Variants in DAB1 observed in about 807,000 individuals in gnomAD.
The protein encoded by DAB1 is disabled homolog 1.
In DAB1, 15 loss-of-function variants were observed where a neutral mutation model predicts 64.6. The ratio of observed to expected loss-of-function variants is 0.23; its 90% CI spans 0.16 to 0.36. DAB1 has a LOEUF of 0.36. Among genes scored for constraint, DAB1 ranks in the 10% least tolerant of loss-of-function variants. The probability of loss-of-function intolerance (pLI) is 1.00; values close to 1 mark genes in which losing one functional copy is unlikely to be tolerated. For synonymous variants in DAB1, 235 were observed against 251.9 expected, an observed-to-expected ratio of 0.93 and a Z score of 0.64; for missense variants, 596 against 706.7, an observed-to-expected ratio of 0.84 and a Z score of 1.78.
intron 7 of DAB1, among the ~76,000 whole-genome samples, chr1:57,435,799 C>A (rs1271566140): frequency 6.6e-6 from 1 of 151,586 alleles, no homozygotes; most frequent in Non-Finnish European, 1.5e-5. Context: ...AAAGAGTACA[C>A]TTTAAAATAA....
chr1:57,869,138 C>A (rs1368274764), intron 1 of DAB1, among the ~76,000 whole-genome samples: 4 of 152,068 alleles, frequency 2.6e-5, no homozygotes, highest in Non-Finnish European at 1.5e-5. Flanking sequence ...CAGTTCCATC[C>A]TTTACTGCCA....
At chr1:57,515,905 T>A (rs1230013502) in intron 7 of DAB1, among the ~76,000 whole-genome samples, 1 of 152,222 alleles carries the variant, frequency 6.6e-6, no homozygotes, top group Admixed American at 6.5e-5. Context: ...ATTTTCTCTC[T>A]TTTCCTCCAC....
chr1:58,544,873 C>A (rs768453124), intron 1 of DAB1, among the ~76,000 whole-genome samples: 4 of 152,184 alleles, frequency 2.6e-5, no homozygotes, highest in Non-Finnish European at 5.9e-5. Context: ...GGATTATAGG[C>A]CTGAGCCACC....
At chr1:58,079,419 G>A (rs550479361) in intron 5 of DAB1, among the ~76,000 whole-genome samples, 137 of 152,084 alleles carry the variant, frequency 9.0e-4, no homozygotes, top group African/African-American at 3.2e-3. Flanking sequence ...AGGTTCATGG[G>A]ACAGGGAAGT....
chr1:58,037,843 C>G (rs918261318), intron 5 of DAB1, among the ~76,000 whole-genome samples: 2 of 152,076 alleles, frequency 1.3e-5, no homozygotes, highest in Non-Finnish European at 2.9e-5. Context: ...CCTAATAGAT[C>G]AGGTTCATAT....
chr1:58,509,845 A>T (rs761589564), intron 2 of DAB1, among the ~76,000 whole-genome samples: 5 of 152,108 alleles, frequency 3.3e-5, no homozygotes, highest in Non-Finnish European at 7.4e-5. Context: ...ACAAAGGATC[A>T]TAAGAGACTA....
intron 1 of DAB1, among the ~76,000 whole-genome samples, chr1:57,366,567 G>C (rs1192721124): frequency 6.6e-6 from 1 of 152,154 alleles, no homozygotes; most frequent in Non-Finnish European, 1.5e-5. Context: ...CATGGCAGTG[G>C]CTTACTAAAT....
At chr1:57,968,558 T>C (rs1039043743) in intron 5 of DAB1, among the ~76,000 whole-genome samples, 2 of 152,146 alleles carry the variant, frequency 1.3e-5, no homozygotes, top group African/African-American at 4.8e-5. Flanking sequence ...AAGCAGAAAG[T>C]ATAAATTTAA....
chr1:57,247,178 C>G (rs1668949168), intron 2 of DAB1, among the ~76,000 whole-genome samples: 1 of 152,148 alleles, frequency 6.6e-6, no homozygotes, highest in Admixed American at 6.6e-5. Flanking sequence ...GGCTCTGTGT[C>G]TCCACTCAAA....
chr1:57,555,510 G>A (rs1456151035), intron 7 of DAB1, among the ~76,000 whole-genome samples: 1 of 151,518 alleles, frequency 6.6e-6, no homozygotes, highest in Non-Finnish European at 1.5e-5. Context: ...AGTCTATGGA[G>A]TTTACACAGG....
In DAB1 at chr1:57,457,265, T is replaced by G. The variant is rs115258633; in HGVS notation, n.626-166099A>C. On this transcript the variant is annotated intron_variant and non_coding_transcript_variant, in intron 7 of 20. Coordinates refer to the DAB1 transcript ENST00000485760. ...GACCGGAGAATTGGACTAAGAACTG[T>G]GTGCACCAACCTGTCATCTAGATAC... is the stretch of plus-strand genomic sequence containing the variant. 1.9e-3 allele frequency among the ~76,000 whole-genome samples: 288 copies of G among 152,234 alleles called. 3 individuals are homozygous for G. Among genetic ancestry groups the G allele is most frequent in the Non-Finnish European group, 2.6e-3 (177 of 67,992 alleles).
intron 7 of DAB1, among the ~76,000 whole-genome samples, chr1:57,564,902 C>A (rs553630512): frequency 8.5e-5 from 13 of 152,218 alleles, no homozygotes; most frequent in African/African-American, 2.4e-4. Flanking sequence ...GGCCAACATT[C>A]ACATTCAGGA....
intron 7 of DAB1, among the ~76,000 whole-genome samples, chr1:57,508,711 T>C (rs188840311): frequency 4.5e-4 from 69 of 152,306 alleles, no homozygotes; most frequent in African/African-American, 1.4e-3. Flanking sequence ...CCATAGGCTG[T>C]AGTTTGCTGA....
At chr1:57,800,050 T>C (rs1651052499) in intron 6 of DAB1, among the ~76,000 whole-genome samples, 1 of 152,192 alleles carries the variant, frequency 6.6e-6, no homozygotes, top group Admixed American at 6.5e-5. Flanking sequence ...CAATTGTGCA[T>C]TTACGATCTG....
intron 2 of DAB1, among the ~76,000 whole-genome samples, chr1:57,220,370 T>TG (rs1666767513): frequency 1.3e-5 from 2 of 152,116 alleles, no homozygotes; most frequent in Admixed American, 1.3e-4. Context: ...GAGGGCTTGG[T>TG]GGGGTGAGGT....
intron 1 of DAB1, among the ~76,000 whole-genome samples, chr1:57,319,006 TCTAA>T (rs1675457978): frequency 6.6e-6 from 1 of 152,160 alleles, no homozygotes; most frequent in Non-Finnish European, 1.5e-5. Flanking sequence ...ACCTGTGCCC[TCTAA>T]CCACTGAGGG....
intron 4 of DAB1, among the ~76,000 whole-genome samples, chr1:58,184,929 C>A (rs1656988916): frequency 6.6e-6 from 1 of 152,100 alleles, no homozygotes; most frequent in African/African-American, 2.4e-5. Context: ...GAATATGTGT[C>A]TAAGGGAACA....
chr1:57,445,010 T>C (rs909164390), intron 7 of DAB1, among the ~76,000 whole-genome samples: 6 of 152,224 alleles, frequency 3.9e-5, no homozygotes, highest in Admixed American at 2.6e-4. Context: ...TTCATCATTA[T>C]ATAGAACTCA....
At chr1:57,033,322 G>A (rs1418506107) in intron 9 of DAB1, 1 of 1,519,494 alleles carries the variant, frequency 6.6e-7, no homozygotes, top group Non-Finnish European at 9.1e-7. Context: ...GCTGGATGAA[G>A]AGAATATGGA....
Sources: gnomAD v4.1 joint callset for allele counts (sites outside exome capture counted in the v4.1 genomes callset) on GRCh38, gnomAD v4.1.1 for gene constraint, MANE v1.5 for transcripts, NCBI Gene and HGNC (gene_info 2026-07-23, HGNC 2026-07-21) for gene names.